Variants in ZNF536 observed in about 807,000 individuals in gnomAD.
The protein encoded by ZNF536 is zinc finger protein 536.
A neutral mutation model predicts 84.5 loss-of-function variants in ZNF536; 13 were observed. The observed-to-expected ratio is 0.15, with a 90% CI of 0.10 to 0.24. The LOEUF (loss-of-function observed/expected upper bound fraction) is 0.24. Ranked by LOEUF, ZNF536 falls within the 10% of genes least tolerant of loss-of-function variation. The probability of loss-of-function intolerance (pLI) is 1.00; values close to 1 mark genes in which losing one functional copy is unlikely to be tolerated. For missense variants in ZNF536, 1,536 were observed against 1,747.5 expected (o/e 0.88, Z 2.16); for synonymous variants, 811 against 742.5 (o/e 1.09, Z -1.50).
intron 1 of ZNF536, among the ~76,000 whole-genome samples, chr19:30,638,653 C>T (rs190909713): frequency 5.3e-5 from 8 of 152,328 alleles, no homozygotes; most frequent in Admixed American, 2.0e-4. Flanking sequence ...TTTTACAATT[C>T]TCTACATCAG....
At chr19:30,398,765 C>T (rs1435479236) in intron 1 of ZNF536, among the ~76,000 whole-genome samples, 1 of 152,148 alleles carries the variant, frequency 6.6e-6, no homozygotes, top group Non-Finnish European at 1.5e-5. Flanking sequence ...TTTATGGCTG[C>T]ATAGTATTCC....
chr19:30,369,488 C>T (rs572052830), upstream of ZNF536, among the ~76,000 whole-genome samples: 40 of 152,250 alleles, frequency 2.6e-4, no homozygotes, highest in South Asian at 7.1e-3. Context: ...CAATTGAGTC[C>T]GACCCGTCTG....
chr19:30,642,877 G>T (rs547666788), intron 1 of ZNF536, among the ~76,000 whole-genome samples: 1 of 152,136 alleles, frequency 6.6e-6, no homozygotes, highest in African/African-American at 2.4e-5. Context: ...TGTGTGGGGG[G>T]TGAGAGCCCA....
intron 1 of ZNF536, among the ~76,000 whole-genome samples, chr19:30,641,712 C>A (rs986306102): frequency 6.6e-6 from 1 of 152,162 alleles, no homozygotes; most frequent in Non-Finnish European, 1.5e-5. Context: ...ATATTTATAT[C>A]CTTTTTCACT....
At chr19:30,657,768 T>G (rs1485878487) in intron 1 of ZNF536, among the ~76,000 whole-genome samples, 2 of 152,214 alleles carry the variant, frequency 1.3e-5, no homozygotes, top group African/African-American at 4.8e-5. Flanking sequence ...GCAGTTATCC[T>G]TGATTTCTCC....
chr19:30,684,861 G>A (rs994770566), intron 1 of ZNF536, among the ~76,000 whole-genome samples: 11 of 152,196 alleles, frequency 7.2e-5, no homozygotes, highest in Admixed American at 3.9e-4. Flanking sequence ...CCCTTACCAA[G>A]CCTCCGAGGG....
chr19:30,657,907 A>G (rs575746788), intron 1 of ZNF536, among the ~76,000 whole-genome samples: 31 of 152,256 alleles, frequency 2.0e-4, no homozygotes, highest in Middle Eastern at 6.8e-3. Flanking sequence ...TGCCAAACTG[A>G]TCTAACAGAC....
chr19:30,265,748 A>G (rs1447216843), intron 1 of ZNF536, among the ~76,000 whole-genome samples: 2 of 152,174 alleles, frequency 1.3e-5, no homozygotes, highest in Non-Finnish European at 2.9e-5. Context: ...TCTCCCACTC[A>G]GTCCAGGCTG....
At chr19:30,628,071 C>T (rs1042474801) in intron 1 of ZNF536, among the ~76,000 whole-genome samples, 4 of 152,228 alleles carry the variant, frequency 2.6e-5, no homozygotes, top group African/African-American at 9.6e-5. Flanking sequence ...ATGCAGCCTC[C>T]TCCCGGGTGG....
intron 3 of ZNF536, among the ~76,000 whole-genome samples, chr19:30,355,581 G>C (rs1391312064): frequency 6.6e-6 from 1 of 151,882 alleles, no homozygotes; most frequent in African/African-American, 2.4e-5. Flanking sequence ...GTATAGATGT[G>C]GTTTTGCCAT....
intron 1 of ZNF536, among the ~76,000 whole-genome samples, chr19:30,375,835 C>A (rs1487412607): frequency 6.6e-6 from 1 of 152,136 alleles, no homozygotes; most frequent in Middle Eastern, 3.2e-3. Context: ...TATGTGGGTG[C>A]TATCTGCACT....
intron 1 of ZNF536, among the ~76,000 whole-genome samples, chr19:30,599,397 C>T: frequency 3.1e-5 from 4 of 129,582 alleles, no homozygotes; most frequent in African/African-American, 5.9e-5. Flanking sequence ...CTCCTTTCCT[C>T]CCTTCCTTCT....
At chr19:30,682,301 ATG>A (rs933107796) in intron 1 of ZNF536, among the ~76,000 whole-genome samples, 24 of 152,090 alleles carry the variant, frequency 1.6e-4, no homozygotes, top group African/African-American at 5.8e-4. Flanking sequence ...CGAGGCGAGG[ATG>A]TGTTTCCCCA....
At chr19:30,302,714 G>C (rs1011246568) in intron 2 of ZNF536, among the ~76,000 whole-genome samples, 1 of 152,006 alleles carries the variant, frequency 6.6e-6, no homozygotes, top group African/African-American at 2.4e-5. Context: ...CACCTTCCAC[G>C]CATTTTCTCT....
In ZNF536 at chr19:30,661,492, A is replaced by T. The variant is rs539500509; in HGVS notation, c.170-49265A>T. ...TGTGTTATTAATATAAATAGGTGCA[A>T]GCTTTTGGGGGGGCCAAATAAAAAA... On this transcript the variant is annotated intron_variant, in intron 1 of 1. Coordinates refer to the ZNF536 transcript ENST00000592773. 1.2e-4 allele frequency among the ~76,000 whole-genome samples: 18 copies of T among 152,312 alleles called. 1 individual carries two copies. The East Asian group carries it at 3.1e-3, about 26-fold the overall frequency.
chr19:30,234,397 CTTT>C (rs5827694), intron 1 of ZNF536, among the ~76,000 whole-genome samples: 92 of 82,396 alleles, frequency 1.1e-3, no homozygotes, highest in African/African-American at 1.9e-3. Flanking sequence ...AGGCTCCTTC[CTTT>C]TTTTTTTTTT....
At chr19:30,388,558 C>T (rs766312300) in intron 1 of ZNF536, among the ~76,000 whole-genome samples, 10 of 152,114 alleles carry the variant, frequency 6.6e-5, no homozygotes, top group Non-Finnish European at 1.0e-4. Context: ...CCTCCACGAT[C>T]GCCTCGTCCC....
chr19:30,291,530 GGTTT>G lies in ZNF536; in HGVS notation c.-120+7398_-120+7401del, dbSNP rs1339380418. 3.3e-5 allele frequency among the ~76,000 whole-genome samples: 5 copies of G among 152,100 alleles called. No homozygotes were observed. The South Asian group carries it at 6.2e-4, about 19-fold the overall frequency. On this transcript the variant is annotated intron_variant, in intron 2 of 5. Transcript: ENST00000585628. ...CATATCCTTCACCCACTTTTTGATG[GGTTT>G]GTTTGTTTTTTTCTTGTAAATTTGT... is the stretch of plus-strand genomic sequence containing the variant.
At chr19:30,539,930 TA>T (rs2045262488) in intron 3 of ZNF536, among the ~76,000 whole-genome samples, 1 of 152,196 alleles carries the variant, frequency 6.6e-6, no homozygotes, top group Admixed American at 6.5e-5. Context: ...AGAAATGTAA[TA>T]AGCAACTTCA....
Sources: allele counts gnomAD v4.1 joint callset (sites outside exome capture counted in the v4.1 genomes callset), GRCh38; gene constraint gnomAD v4.1.1; transcripts MANE v1.5; gene names NCBI Gene and HGNC (gene_info 2026-07-23, HGNC 2026-07-21).